Variants in MAP3K7CL observed in about 807,000 individuals in gnomAD.
MAP3K7CL encodes MAP3K7 C-terminal-like protein.
In MAP3K7CL, 16 loss-of-function variants were observed where a neutral mutation model predicts 18.6. That is an observed-to-expected ratio of 0.86 (90% CI 0.58 to 1.31). The LOEUF (loss-of-function observed/expected upper bound fraction) is 1.31. Among genes scored for constraint, MAP3K7CL ranks in the 50% most tolerant of loss-of-function variants. The probability of loss-of-function intolerance (pLI) is 0.00; values close to 1 mark genes in which losing one functional copy is unlikely to be tolerated. For synonymous variants in MAP3K7CL, 65 were observed against 66.8 expected (o/e 0.97, Z 0.13); for missense variants, 163 against 174.4 (o/e 0.93, Z 0.37).
At chr21:29,083,982 CAT>C (rs149551762), upstream of MAP3K7CL, among the ~76,000 whole-genome samples, 3,224 of 146,852 alleles carry the variant, frequency 0.022, 115 homozygotes, top group African/African-American at 0.075. Context: ...TTGTATATAA[CAT>C]ATGTATACAC....
intron 3 of MAP3K7CL, among the ~76,000 whole-genome samples, chr21:29,149,491 A>G (rs983652973): frequency 6.6e-6 from 1 of 152,146 alleles, no homozygotes; most frequent in Non-Finnish European, 1.5e-5. Flanking sequence ...ACTGGCTCCT[A>G]TTTTTAAGGG....
intron 2 of MAP3K7CL, among the ~76,000 whole-genome samples, chr21:29,138,199 A>G (rs1018626314): frequency 3.3e-5 from 5 of 152,202 alleles, no homozygotes; most frequent in Admixed American, 2.6e-4. Flanking sequence ...TGACAATGCA[A>G]TCTCCATTTT....
chr21:29,102,994 G>T (rs768489657), intron 4 of MAP3K7CL, among the ~76,000 whole-genome samples: 1 of 152,130 alleles, frequency 6.6e-6, no homozygotes. Flanking sequence ...TTGCAACTGC[G>T]GGACAGACTC....
At chr21:29,171,830 C>A (rs1463459988) in intron 4 of MAP3K7CL, among the ~76,000 whole-genome samples, 77 of 123,998 alleles carry the variant, frequency 6.2e-4, no homozygotes, top group African/African-American at 1.4e-3. Context: ...AAAAAAAAAA[C>A]AACACTCCCA....
Position 29,080,362 on chromosome 21 carries a change from A to G in MAP3K7CL, c.-49+2649A>G, listed in dbSNP as rs182300957. Among the ~76,000 whole-genome samples the G allele has an allele frequency of 1.3e-3, 203 of 152,294 alleles. 1 individual carries two copies. The highest frequency in any genetic ancestry group is 2.5e-3 in the Non-Finnish European group (169 of 68,024). ...GGAAGGTGGTAGGAAAACAAAGCCT[A>G]TTTTCATGCTGTTTTGGCATTTCTG... On this transcript the variant is annotated intron_variant, in intron 1 of 7. Transcript: ENST00000341618.
chr21:29,130,086 C>T (rs1312044179), upstream of MAP3K7CL, among the ~76,000 whole-genome samples: 2 of 152,094 alleles, frequency 1.3e-5, no homozygotes, highest in African/African-American at 2.4e-5. Flanking sequence ...TGCATATTTT[C>T]TTTCAGTCTG....
intron 4 of MAP3K7CL, among the ~76,000 whole-genome samples, chr21:29,105,312 T>C (rs1458315522): frequency 6.6e-6 from 1 of 152,222 alleles, no homozygotes; most frequent in Non-Finnish European, 1.5e-5. Context: ...TCCCATGCCA[T>C]GCTGATGATT....
chr21:29,115,497 G>A (rs372758353), intron 4 of MAP3K7CL, among the ~76,000 whole-genome samples: 56 of 152,338 alleles, frequency 3.7e-4, no homozygotes, highest in South Asian at 1.7e-3. Context: ...ATCCCTGAGT[G>A]CAGGGGGCCA....
chr21:29,174,378 T>C (rs887286339), intron 4 of MAP3K7CL, among the ~76,000 whole-genome samples: 2 of 152,194 alleles, frequency 1.3e-5, no homozygotes, highest in Non-Finnish European at 1.5e-5. Flanking sequence ...ATAGGCAGCA[T>C]CTTAAATTAT....
chr21:29,097,610 T>C (rs2086146168), intron 4 of MAP3K7CL, among the ~76,000 whole-genome samples: 1 of 152,172 alleles, frequency 6.6e-6, no homozygotes, highest in Admixed American at 6.5e-5. Context: ...TTTTTTTTAT[T>C]AGTCATTTCT....
At chr21:29,171,953 T>C (rs892111686) in intron 4 of MAP3K7CL, among the ~76,000 whole-genome samples, 2 of 151,824 alleles carry the variant, frequency 1.3e-5, no homozygotes, top group African/African-American at 2.4e-5. Flanking sequence ...TATACATATA[T>C]ACATATGTGT....
intron 1 of MAP3K7CL, among the ~76,000 whole-genome samples, chr21:29,086,405 A>C (rs1339153228): frequency 6.6e-6 from 1 of 152,154 alleles, no homozygotes; most frequent in East Asian, 1.9e-4. Flanking sequence ...CCAGCTCTGG[A>C]AAATGAGTGG....
At chr21:29,084,448 C>T (rs573044025), upstream of MAP3K7CL, among the ~76,000 whole-genome samples, 11 of 152,292 alleles carry the variant, frequency 7.2e-5, no homozygotes, top group Middle Eastern at 3.4e-3. Flanking sequence ...GGATTAGTAA[C>T]GATGCTTGAT....
upstream of MAP3K7CL, among the ~76,000 whole-genome samples, chr21:29,129,276 T>C (rs986220231): frequency 6.6e-6 from 1 of 152,246 alleles, no homozygotes; most frequent in African/African-American, 2.4e-5. Flanking sequence ...GTATCTACCA[T>C]TACAGTCTCA....
intron 2 of MAP3K7CL, among the ~76,000 whole-genome samples, chr21:29,143,294 A>G (rs2087049084): frequency 6.6e-6 from 1 of 152,082 alleles, no homozygotes; most frequent in African/African-American, 2.4e-5. Flanking sequence ...AAATGTCAAC[A>G]AATTCAGTGG....
At chr21:29,094,352 G>A (rs968521947) in intron 4 of MAP3K7CL, among the ~76,000 whole-genome samples, 4 of 152,200 alleles carry the variant, frequency 2.6e-5, no homozygotes, top group African/African-American at 9.6e-5. Context: ...AGTCACCCAG[G>A]GGAAGTATCG....
chr21:29,158,112 C>G (rs2087452163), intron 3 of MAP3K7CL, among the ~76,000 whole-genome samples: 1 of 152,164 alleles, frequency 6.6e-6, no homozygotes, highest in Non-Finnish European at 1.5e-5. Flanking sequence ...TTTAACAGGG[C>G]ACAGATGATT....
intron 4 of MAP3K7CL, among the ~76,000 whole-genome samples, chr21:29,166,798 A>T (rs66723060): frequency 2.6e-5 from 4 of 152,008 alleles, no homozygotes; most frequent in Admixed American, 2.6e-4. Context: ...TTATCCTTTC[A>T]TAGGCTAATG....
intron 4 of MAP3K7CL, 46 bp from the exon 5 acceptor site, chr21:29,174,666 G>A (rs1447743514): frequency 6.3e-7 from 1 of 1,594,322 alleles, no homozygotes; most frequent in African/African-American, 1.3e-5. Context: ...TAATTTGCTT[G>A]CATTGAATTC....
Sources: gnomAD v4.1 joint callset for allele counts (sites outside exome capture counted in the v4.1 genomes callset) on GRCh38, gnomAD v4.1.1 for gene constraint, MANE v1.5 for transcripts, NCBI Gene and HGNC (gene_info 2026-07-23, HGNC 2026-07-21) for gene names.